The following DPP10 variants were observed in gnomAD, a reference collection of about 807,000 sequenced individuals.
The protein encoded by DPP10 is inactive dipeptidyl peptidase 10.
Under a neutral mutation model 120.9 loss-of-function variants are expected in DPP10, and 33 were observed. The ratio of observed to expected loss-of-function variants is 0.27; its 90% CI spans 0.21 to 0.37. DPP10 has a LOEUF of 0.37. DPP10 is among the 10% of genes least tolerant of loss of function. DPP10 has a pLI of 1.00. For synonymous variants in DPP10, 337 were observed against 326.1 expected (o/e 1.03, Z -0.36); for missense variants, 816 against 942.8 (o/e 0.87, Z 1.76).
At chr2:115,650,624 C>A (rs1163625458) in intron 5 of DPP10, among the ~76,000 whole-genome samples, 3 of 152,102 alleles carry the variant, frequency 2.0e-5, no homozygotes, top group Admixed American at 6.6e-5. Context: ...CAGATTATTT[C>A]TCTTCTTAGG....
intron 1 of DPP10, among the ~76,000 whole-genome samples, chr2:114,730,153 G>T (rs1231499010): frequency 2.6e-5 from 4 of 152,106 alleles, no homozygotes; most frequent in Admixed American, 2.6e-4. Flanking sequence ...AATGCTGGAG[G>T]TGAGAAGTCA....
intron 8 of DPP10, among the ~76,000 whole-genome samples, chr2:115,731,637 C>A (rs2149657556): frequency 6.6e-6 from 1 of 152,286 alleles, no homozygotes; most frequent in African/African-American, 2.4e-5. Flanking sequence ...GTCTTTTGTT[C>A]CTAAAGCCAG....
At chr2:115,379,538 G>T (rs76916498) in intron 3 of DPP10, among the ~76,000 whole-genome samples, 2 of 152,014 alleles carry the variant, frequency 1.3e-5, no homozygotes, top group African/African-American at 2.4e-5. Flanking sequence ...AGGGTTTTTT[G>T]TGTCTCTATT....
intron 1 of DPP10, among the ~76,000 whole-genome samples, chr2:114,820,082 G>A (rs1685963209): frequency 6.6e-6 from 1 of 152,120 alleles, no homozygotes; most frequent in South Asian, 2.1e-4. Context: ...CTATTATCCT[G>A]TGGAAAAGAG....
chr2:115,305,607 C>G (rs747981330), intron 1 of DPP10, among the ~76,000 whole-genome samples: 1 of 151,814 alleles, frequency 6.6e-6, no homozygotes, highest in Non-Finnish European at 1.5e-5. Flanking sequence ...TGTGATGGCA[C>G]TATGCCTGTC....
chr2:114,663,248 A>C (rs57743681), intron 1 of DPP10, among the ~76,000 whole-genome samples: 12,916 of 147,336 alleles, frequency 0.088, 1,922 homozygotes, highest in African/African-American at 0.3. Flanking sequence ...GTGTGTGTAT[A>C]TATATATATA....
intron 1 of DPP10, among the ~76,000 whole-genome samples, chr2:114,563,172 G>C (rs1573662090): frequency 6.6e-6 from 1 of 152,170 alleles, no homozygotes; most frequent in South Asian, 2.1e-4. Flanking sequence ...AAGAGATGGA[G>C]ACCATCCTGG....
At position 115,777,210 on chromosome 2, in the gene DPP10, T is replaced by A. The variant is rs1682206987; in HGVS notation, c.1224T>A (p.Ser408Arg). 1.2e-6 allele frequency: 2 copies of A among 1,612,570 alleles called. No homozygotes were observed. Among genetic ancestry groups the A allele is most frequent in the African/African-American group, 1.3e-5 (1 of 74,828 alleles). The part of the protein sequence containing the change: ...FHHVAMFLIQ[S>R]KSEQITVRHL... ...CAATATTTTCTATTTCTTTGCAGAGTAAAAGTGAGCAAATTACCGTGCGGC... is the reference window on the plus strand; with the variant it reads ...CAATATTTTCTATTTCTTTGCAGAGAAAAAGTGAGCAAATTACCGTGCGGC... Residue 408 changes from serine to arginine, a missense_variant and splice_region_variant, in exon 14 of 26, where the codon AGT becomes AGA. Transcript: ENST00000410059.
chr2:115,353,994 G>A (rs553208715), intron 3 of DPP10, among the ~76,000 whole-genome samples: 3 of 152,074 alleles, frequency 2.0e-5, no homozygotes, highest in Non-Finnish European at 4.4e-5. Flanking sequence ...CTTTGTAATT[G>A]TATATGAATG....
chr2:114,837,170 T>C (rs370517734), intron 1 of DPP10, among the ~76,000 whole-genome samples: 10 of 152,268 alleles, frequency 6.6e-5, no homozygotes, highest in Middle Eastern at 3.4e-3. Flanking sequence ...AGGGTATTGA[T>C]TGGGGAAGTG....
intron 21 of DPP10, among the ~76,000 whole-genome samples, chr2:115,835,317 T>C (rs1002016727): frequency 6.6e-6 from 1 of 152,100 alleles, no homozygotes; most frequent in Non-Finnish European, 1.5e-5. Context: ...AGGAAAGGTT[T>C]TGTTAAGAAA....
intron 1 of DPP10, among the ~76,000 whole-genome samples, chr2:114,609,468 G>A (rs1181678924): frequency 6.6e-6 from 1 of 152,120 alleles, no homozygotes; most frequent in Non-Finnish European, 1.5e-5. Context: ...TGGTCCCAGC[G>A]GTGCCTGTGT....
intron 1 of DPP10, among the ~76,000 whole-genome samples, chr2:114,813,449 A>C (rs1347945635): frequency 1.3e-5 from 2 of 152,182 alleles, no homozygotes; most frequent in Non-Finnish European, 2.9e-5. Context: ...GCACGCAGTA[A>C]ATAGTGTCTC....
chr2:115,652,838 C>G (rs191544358), intron 5 of DPP10, among the ~76,000 whole-genome samples: 94 of 151,984 alleles, frequency 6.2e-4, no homozygotes, highest in African/African-American at 2.1e-3. Context: ...TAGTCTCATT[C>G]AGATACACCC....
At chr2:115,073,981 G>T (rs150568050) in intron 1 of DPP10, among the ~76,000 whole-genome samples, 27 of 152,240 alleles carry the variant, frequency 1.8e-4, no homozygotes, top group Admixed American at 1.2e-3. Flanking sequence ...TGAGAAGAAG[G>T]TTGGCTGTTT....
intron 1 of DPP10, among the ~76,000 whole-genome samples, chr2:114,526,162 G>A (rs1476281306): frequency 6.6e-6 from 1 of 152,140 alleles, no homozygotes; most frequent in Non-Finnish European, 1.5e-5. Flanking sequence ...TGGGGCACTG[G>A]CTGCTGTGCC....
At chr2:115,528,518 T>C (rs1199102953) in intron 5 of DPP10, among the ~76,000 whole-genome samples, 6 of 151,894 alleles carry the variant, frequency 4.0e-5, no homozygotes, top group African/African-American at 1.5e-4. Flanking sequence ...CTTCAAGTCA[T>C]TTATCCCGGA....
At chr2:115,138,961 T>TA (rs922001220) in intron 1 of DPP10, among the ~76,000 whole-genome samples, 11 of 151,938 alleles carry the variant, frequency 7.2e-5, no homozygotes, top group Non-Finnish European at 5.9e-5. Flanking sequence ...TTCCAGGCAG[T>TA]AAAAAAAATG....
intron 1 of DPP10, among the ~76,000 whole-genome samples, chr2:114,764,607 T>C (rs1348370829): frequency 6.6e-6 from 1 of 151,834 alleles, no homozygotes; most frequent in Non-Finnish European, 1.5e-5. Flanking sequence ...CCATGAAGCC[T>C]AATAATGCAT....
Sources: gnomAD v4.1 joint callset for allele counts (sites outside exome capture counted in the v4.1 genomes callset) on GRCh38, gnomAD v4.1.1 for gene constraint, MANE v1.5 for transcripts, NCBI Gene and HGNC (gene_info 2026-07-23, HGNC 2026-07-21) for gene names.